ORC5: variants seen among roughly 807,000 people sequenced by gnomAD.
ORC5 encodes the protein protein phosphatase 1, regulatory subunit 117.
ORC5 carries 39 observed loss-of-function variants against 58.8 expected under a neutral mutation model. The observed-to-expected ratio is 0.66, with a 90% confidence interval of 0.51 to 0.87. The LOEUF (loss-of-function observed/expected upper bound fraction) is 0.87, where lower values mean the gene tolerates loss of function less well. ORC5 is among the 40% of genes least tolerant of loss of function. ORC5 has a pLI of 0.00. For synonymous variants in ORC5, 218 were observed against 177.6 expected (o/e 1.23, Z -1.81); for missense variants, 493 against 506.3 (o/e 0.97, Z 0.25).
intron 5 of ORC5, among the ~76,000 whole-genome samples, chr7:104,194,721 T>C (rs1799757116): frequency 1.3e-5 from 2 of 152,166 alleles, no homozygotes; most frequent in South Asian, 4.1e-4. Flanking sequence ...TCTAGTCTGA[T>C]TATTCGTACA....
chr7:104,175,195 G>T (rs1361326496), intron 8 of ORC5, among the ~76,000 whole-genome samples: 1 of 152,122 alleles, frequency 6.6e-6, no homozygotes, highest in Non-Finnish European at 1.5e-5. Flanking sequence ...GGCCCAAACG[G>T]ATTTGCCGCT....
chr7:104,190,004 GA>G (rs1304055132), intron 5 of ORC5, among the ~76,000 whole-genome samples: 3 of 152,220 alleles, frequency 2.0e-5, no homozygotes, highest in East Asian at 3.9e-4. Flanking sequence ...TGTCAGAAGT[GA>G]ATTGAATTTT....
At chr7:104,176,377 T>C (rs1376270856) in intron 8 of ORC5, among the ~76,000 whole-genome samples, 1 of 152,230 alleles carries the variant, frequency 6.6e-6, no homozygotes, top group Non-Finnish European at 1.5e-5. Context: ...AAAAAGGCTT[T>C]ACAGGGCCAT....
At chr7:104,160,402 AATACT>A (rs1330291868) in intron 12 of ORC5, among the ~76,000 whole-genome samples, 11 of 152,160 alleles carry the variant, frequency 7.2e-5, no homozygotes, top group African/African-American at 2.4e-4. Flanking sequence ...CTTTTAAATA[AATACT>A]AGTTATATCA....
chr7:104,132,473 T>C (rs1798528126), intron 13 of ORC5, among the ~76,000 whole-genome samples: 1 of 152,160 alleles, frequency 6.6e-6, no homozygotes, highest in South Asian at 2.1e-4. Context: ...CCAGCCTTCC[T>C]TTTCTTTGGT....
chr7:104,152,865 C>T (rs1366776953), intron 12 of ORC5, among the ~76,000 whole-genome samples: 4 of 152,070 alleles, frequency 2.6e-5, no homozygotes, highest in African/African-American at 9.7e-5. Flanking sequence ...ATAATTTATG[C>T]AATTTTTTAA....
rs1252253822 is a variant in ORC5 at position 104,204,146 on chromosome 7, A to C, written c.161T>G (p.Leu54Ter). The C allele has an allele frequency of 1.3e-6, 2 of 1,530,160 alleles. No individual in the cohort carries two copies. The highest frequency in any genetic ancestry group is 3.5e-5 in the Admixed American group (2 of 56,962). 94.8% of individuals were successfully genotyped at this position (1,530,160 alleles called of 1,614,324 possible). Residue 54 changes from leucine to a stop codon, truncating the protein, a stop_gained, in exon 2 of 14, where the codon TTA (leucine) becomes TGA (stop). Transcript: ENST00000297431. LOFTEE classifies it high-confidence loss of function. The stretch of plus-strand genomic sequence containing the variant: ...ATTTAATATTTTTATTCTTACCTCT[A>C]AAGTTTTCAACAACGTTTGTGTTAC... ...TYVTQTLLKT[L>*]ELPHVFVNCV...
At chr7:104,151,986 G>C (rs879124832) in intron 12 of ORC5, among the ~76,000 whole-genome samples, 2 of 152,170 alleles carry the variant, frequency 1.3e-5, no homozygotes, top group Admixed American at 1.3e-4. Context: ...AAAAGATAAA[G>C]AGTCTTCTCT....
intron 1 of ORC5, among the ~76,000 whole-genome samples, chr7:104,205,940 A>G (rs185141263): frequency 1.1e-3 from 172 of 152,306 alleles, no homozygotes; most frequent in African/African-American, 3.8e-3. Flanking sequence ...CCTGGGAGGC[A>G]GAGACTGCAG....
intron 6 of ORC5, among the ~76,000 whole-genome samples, chr7:104,186,752 T>G (rs550176993): frequency 6.6e-6 from 1 of 152,192 alleles, no homozygotes; most frequent in Non-Finnish European, 1.5e-5. Context: ...TATTCTTCCA[T>G]GTTCTATATA....
Position 104,207,865 on chromosome 7 carries a change from G to C in ORC5, c.40C>G (p.Gln14Glu), listed in dbSNP as rs765266966. ...LENVVLCRES[Q>E]VSILQSLFGE... ...AACAAGGACTGCAAGATGGACACTTGAGACTCGCGACAAAGCACCACGTTT... is the reference window on the plus strand; with the variant it reads ...AACAAGGACTGCAAGATGGACACTTCAGACTCGCGACAAAGCACCACGTTT... The change falls in exon 1 of 14, where the codon CAA becomes GAA. Residue 14 changes from glutamine to glutamate, a missense_variant. Gln to Glu is a conservative substitution (Grantham distance 29, BLOSUM62 2). Coordinates refer to ENST00000297431, the MANE Select transcript of ORC5 (RefSeq NM_002553.4). The C allele has an allele frequency of 1.2e-6, 2 of 1,614,196 alleles. No homozygotes were observed. The highest frequency in any genetic ancestry group is 1.7e-6 in the Non-Finnish European group (2 of 1,180,034).
chr7:104,145,432 A>G (rs1798739495), intron 12 of ORC5, among the ~76,000 whole-genome samples: 1 of 151,988 alleles, frequency 6.6e-6, no homozygotes, highest in African/African-American at 2.4e-5. Flanking sequence ...TCTCTGTTGG[A>G]AAAAAAAGCT....
rs574898844 is a variant in ORC5, at chr7:104,174,135, C to G, written c.825-5610G>C. On this transcript the variant is annotated intron_variant, in intron 8 of 13. Coordinates refer to ENST00000297431, the MANE Select transcript of ORC5 (RefSeq NM_002553.4). ...CTGGGATTACAGGCGTGAGCCACCG[C>G]GCCCGGCCGTAAAATTTTTGTGAAT... 1.3e-3 allele frequency among the ~76,000 whole-genome samples: 200 copies of G among 152,252 alleles called. 1 individual carries two copies. Among genetic ancestry groups the G allele is most frequent in the Admixed American group, 3.9e-3 (60 of 15,300 alleles).
At chr7:104,147,771 T>C (rs935190215) in intron 12 of ORC5, among the ~76,000 whole-genome samples, 2 of 152,218 alleles carry the variant, frequency 1.3e-5, no homozygotes, top group Non-Finnish European at 2.9e-5. Flanking sequence ...GTTTTAAGAA[T>C]ACTGAACATA....
chr7:104,153,008 A>C (rs1798870281), intron 12 of ORC5, among the ~76,000 whole-genome samples: 1 of 152,220 alleles, frequency 6.6e-6, no homozygotes, highest in Non-Finnish European at 1.5e-5. Flanking sequence ...TTAATGGCAG[A>C]TTTAGAGAAG....
At chr7:104,201,303 C>G (rs866769724) in intron 2 of ORC5, among the ~76,000 whole-genome samples, 1 of 152,146 alleles carries the variant, frequency 6.6e-6, no homozygotes, top group Non-Finnish European at 1.5e-5. Context: ...TCTTCTAAGG[C>G]TACACCTCTT....
intron 1 of ORC5, among the ~76,000 whole-genome samples, chr7:104,206,505 G>A (rs928974407): frequency 5.9e-5 from 9 of 152,178 alleles, no homozygotes; most frequent in Non-Finnish European, 1.2e-4. Context: ...GAAATGCAGA[G>A]AACATAATCA....
chr7:104,165,082 T>G (rs529304005), intron 11 of ORC5, among the ~76,000 whole-genome samples, 153 bp downstream of exon 11: 2 of 152,330 alleles, frequency 1.3e-5, no homozygotes, highest in East Asian at 3.9e-4. Context: ...ATCACTATAT[T>G]CAATATAACA....
At chr7:104,148,682 A>G (rs999993901) in intron 12 of ORC5, among the ~76,000 whole-genome samples, 7 of 152,188 alleles carry the variant, frequency 4.6e-5, no homozygotes, top group Admixed American at 2.6e-4. Flanking sequence ...TTAATTTTTC[A>G]TAAGTCAGAT....
Sources: gnomAD v4.1 joint callset for allele counts (sites outside exome capture counted in the v4.1 genomes callset) on GRCh38, gnomAD v4.1.1 for gene constraint, MANE v1.5 for transcripts, NCBI Gene and HGNC (gene_info 2026-07-23, HGNC 2026-07-21) for gene names.